Variants in SMARCC1 observed in about 807,000 individuals in gnomAD.
SMARCC1 encodes SWI/SNF related BAF chromatin remodeling complex subunit C1, also known as SWI/SNF complex subunit SMARCC1.
A neutral mutation model predicts 147.4 loss-of-function variants in SMARCC1; 43 were observed. That is an observed-to-expected ratio of 0.29 (90% CI 0.23 to 0.38). SMARCC1 has a LOEUF of 0.38. Among genes scored for constraint, SMARCC1 ranks in the 10% least tolerant of loss-of-function variants. The pLI, the probability that SMARCC1 is intolerant of heterozygous loss-of-function variation, is 1.00. For missense variants in SMARCC1, 1,119 were observed against 1,381.1 expected (o/e 0.81, Z 3.01); for synonymous variants, 495 against 484.4 (o/e 1.02, Z -0.29).
intron 3 of SMARCC1, among the ~76,000 whole-genome samples, chr3:47,741,796 A>T (rs939495705): frequency 6.6e-6 from 1 of 151,720 alleles, no homozygotes; most frequent in East Asian, 1.9e-4. Flanking sequence ...TGCCCAGGTT[A>T]GTCTTGAACT....
At chr3:47,642,555 A>G (rs988436689) in intron 21 of SMARCC1, among the ~76,000 whole-genome samples, 5 of 152,046 alleles carry the variant, frequency 3.3e-5, no homozygotes, top group Admixed American at 6.6e-5. Flanking sequence ...GCGCCACTGC[A>G]CTCCAGCCTG....
chr3:47,607,489 T>A (rs2032494583), intron 26 of SMARCC1, among the ~76,000 whole-genome samples: 1 of 152,186 alleles, frequency 6.6e-6, no homozygotes. Context: ...TTACTGTGGA[T>A]AAGCAAACTA....
chr3:47,588,333 T>C, intron 27 of SMARCC1, 27 bp from the exon 28 acceptor site: 1 of 1,598,696 alleles, frequency 6.3e-7, no homozygotes, highest in Middle Eastern at 1.7e-4. Context: ...GAGTAACTCG[T>C]TATTGCTGGA....
intron 7 of SMARCC1, among the ~76,000 whole-genome samples, chr3:47,718,975 C>T (rs1439832309): frequency 6.6e-6 from 1 of 152,110 alleles, no homozygotes; most frequent in Non-Finnish European, 1.5e-5. Flanking sequence ...TGCAGTGGCG[C>T]AATCTCGGCT....
intron 11 of SMARCC1, among the ~76,000 whole-genome samples, chr3:47,697,156 A>G (rs542421468): frequency 2.8e-4 from 43 of 152,334 alleles, no homozygotes; most frequent in African/African-American, 1.0e-3. Context: ...CCGTGTCTCT[A>G]CAATGAATAA....
At chr3:47,701,525 A>C (rs375411491) in intron 10 of SMARCC1, 123 bp from the exon 11 acceptor site, 31 of 957,376 alleles carry the variant, frequency 3.2e-5, no homozygotes, top group East Asian at 1.5e-4. Context: ...TTTAAAAGAC[A>C]AACAGTAGGT....
In SMARCC1 at chr3:47,653,203, C is replaced by T. The variant is rs544183542; in HGVS notation, c.2320+8091G>A. ...CGATCTCCTGACCTCATGATCCACC[C>T]GCCTCGGCCTCCCAAAGTGCTGGGA... On this transcript the variant is annotated intron_variant, in intron 21 of 27. Transcript: ENST00000254480. 6.6e-5 allele frequency among the ~76,000 whole-genome samples: 10 copies of T among 152,250 alleles called. No individual in the cohort carries two copies. In the South Asian group the frequency reaches 1.7e-3, roughly 25 times the overall value.
intron 26 of SMARCC1, among the ~76,000 whole-genome samples, chr3:47,596,047 T>C (rs1576382002): frequency 6.7e-6 from 1 of 149,842 alleles, no homozygotes; most frequent in Non-Finnish European, 1.5e-5. Flanking sequence ...TTTTTTTTTT[T>C]CTTTCCCAAA....
chr3:47,721,421 T>C (rs1439223806), intron 6 of SMARCC1, among the ~76,000 whole-genome samples: 1 of 152,180 alleles, frequency 6.6e-6, no homozygotes, highest in Non-Finnish European at 1.5e-5. Context: ...TAATCACAGT[T>C]AAATTACCTC....
At chr3:47,747,049 AT>A (rs2106842191) in intron 2 of SMARCC1, among the ~76,000 whole-genome samples, 1 of 151,928 alleles carries the variant, frequency 6.6e-6, no homozygotes, top group African/African-American at 2.4e-5. Context: ...TAATTCTAAC[AT>A]TTTGAGACAC....
At chr3:47,703,735 T>C (rs1309351490) in intron 10 of SMARCC1, among the ~76,000 whole-genome samples, 1 of 152,186 alleles carries the variant, frequency 6.6e-6, no homozygotes, top group Non-Finnish European at 1.5e-5. Context: ...GGATGACATA[T>C]TGGCTTAGGT....
intron 26 of SMARCC1, among the ~76,000 whole-genome samples, chr3:47,601,391 T>C (rs1328219882): frequency 6.6e-6 from 1 of 152,150 alleles, no homozygotes; most frequent in Non-Finnish European, 1.5e-5. Flanking sequence ...ATTTCATCAA[T>C]CCATTTCTAA....
chr3:47,657,001 T>C (rs2033271050), intron 21 of SMARCC1, among the ~76,000 whole-genome samples: 1 of 152,104 alleles, frequency 6.6e-6, no homozygotes, highest in Non-Finnish European at 1.5e-5. Flanking sequence ...AGATAGACTT[T>C]AAGACACAAA....
intron 18 of SMARCC1, among the ~76,000 whole-genome samples, chr3:47,674,542 C>T (rs1165107212): frequency 6.6e-6 from 1 of 152,144 alleles, no homozygotes; most frequent in Admixed American, 6.5e-5. Flanking sequence ...TCTCTACCCT[C>T]GCCCCCACCC....
At chr3:47,676,481 A>G in intron 17 of SMARCC1, 148 bp downstream of exon 17, 1 of 619,984 alleles carries the variant, frequency 1.6e-6, no homozygotes. Flanking sequence ...TAATATTTAC[A>G]GTACACCAAA....
chr3:47,702,230 C>CAAA (rs200524652), intron 10 of SMARCC1, among the ~76,000 whole-genome samples: 36,541 of 130,778 alleles, frequency 0.28, 5,292 homozygotes, highest in South Asian at 0.39. Flanking sequence ...TCAGGGGGCT[C>CAAA]AAAAAAAAAA....
intron 2 of SMARCC1, among the ~76,000 whole-genome samples, chr3:47,755,708 AT>A (rs1257593825): frequency 1.3e-5 from 2 of 150,586 alleles, no homozygotes; most frequent in Non-Finnish European, 3.0e-5. Flanking sequence ...AATACAAAAA[AT>A]AGGCCAGGCG....
At chr3:47,616,985 G>A (rs929329875) in intron 25 of SMARCC1, among the ~76,000 whole-genome samples, 2 of 152,234 alleles carry the variant, frequency 1.3e-5, no homozygotes, top group African/African-American at 4.8e-5. Context: ...GGCAGTGGGG[G>A]AGGTGGAGAG....
chr3:47,618,264 G>A (rs1313637699), intron 25 of SMARCC1, among the ~76,000 whole-genome samples: 1 of 152,052 alleles, frequency 6.6e-6, no homozygotes, highest in Non-Finnish European at 1.5e-5. Flanking sequence ...TCAAAAAGCT[G>A]GACACAGCAG....
Sources: gnomAD v4.1 joint callset for allele counts (sites outside exome capture counted in the v4.1 genomes callset) on GRCh38, gnomAD v4.1.1 for gene constraint, MANE v1.5 for transcripts, NCBI Gene and HGNC (gene_info 2026-07-23, HGNC 2026-07-21) for gene names.